Variants in NARS2 observed in about 807,000 individuals in gnomAD.
The protein encoded by NARS2 is asparaginyl-tRNA synthetase 2, mitochondrial, also known as asparaginyl-tRNA synthetase.
A neutral mutation model predicts 62.9 loss-of-function variants in NARS2; 60 were observed. The observed-to-expected ratio is 0.95, with a 90% CI of 0.77 to 1.18. The LOEUF is 1.18. NARS2 is among the 50% of genes most tolerant of loss of function. The probability of loss-of-function intolerance (pLI) is 0.00; values close to 1 mark genes in which losing one functional copy is unlikely to be tolerated. For missense variants in NARS2, 619 were observed against 576.4 expected, an observed-to-expected ratio of 1.07 and a Z score of -0.76; for synonymous variants, 196 against 200.0, an observed-to-expected ratio of 0.98 and a Z score of 0.17.
intron 6 of NARS2, among the ~76,000 whole-genome samples, chr11:78,524,353 G>A (rs1861226320): frequency 6.7e-6 from 1 of 150,174 alleles, no homozygotes; most frequent in Non-Finnish European, 1.5e-5. Flanking sequence ...TGGGTAAAAA[G>A]GTATTCCTCT....
At chr11:78,444,775 A>T (rs928783347) in intron 11 of NARS2, among the ~76,000 whole-genome samples, 1 of 151,924 alleles carries the variant, frequency 6.6e-6, no homozygotes, top group Non-Finnish European at 1.5e-5. Context: ...TGCAAGACTA[A>T]GTCTGAAAGA....
chr11:78,439,972 C>A (rs971466493), intron 13 of NARS2, among the ~76,000 whole-genome samples: 1 of 152,180 alleles, frequency 6.6e-6, no homozygotes, highest in African/African-American at 2.4e-5. Context: ...TTCTATAGTT[C>A]GTGGGGGCAT....
intron 5 of NARS2, among the ~76,000 whole-genome samples, chr11:78,546,958 T>TA (rs1338920352): frequency 6.6e-6 from 1 of 152,190 alleles, no homozygotes; most frequent in Non-Finnish European, 1.5e-5. Flanking sequence ...TAATTACCCT[T>TA]AAAAAAGGTA....
At chr11:78,461,783 CAAAAAA>C (rs56753439) in intron 11 of NARS2, among the ~76,000 whole-genome samples, 31,075 of 93,042 alleles carry the variant, frequency 0.33, 3,766 homozygotes, top group East Asian at 0.51. Context: ...GTACCCACTA[CAAAAAA>C]AAAAAAAAAA....
chr11:78,476,104 C>T (rs1175278800), intron 9 of NARS2, among the ~76,000 whole-genome samples: 1 of 152,188 alleles, frequency 6.6e-6, no homozygotes, highest in African/African-American at 2.4e-5. Context: ...GGGGTGGCTG[C>T]CCTGTAGGGG....
chr11:78,458,121 T>G (rs1178209354), intron 11 of NARS2, among the ~76,000 whole-genome samples: 1 of 152,270 alleles, frequency 6.6e-6, no homozygotes, highest in South Asian at 2.1e-4. Context: ...TGAGAGGATT[T>G]TGAATGTTCA....
intron 6 of NARS2, among the ~76,000 whole-genome samples, chr11:78,506,830 C>T (rs1186180213): frequency 6.6e-6 from 1 of 152,202 alleles, no homozygotes; most frequent in Non-Finnish European, 1.5e-5. Flanking sequence ...TCCGCCACTG[C>T]ACTTGGCCTG....
Position 78,482,772 on chromosome 11 carries a change from C to T in NARS2, c.823-4089G>A, listed in dbSNP as rs150567693. On this transcript the variant is annotated intron_variant, in intron 7 of 13. Coordinates refer to ENST00000281038, the MANE Select transcript of NARS2 (RefSeq NM_024678.6). ...TCAATAGCCTACCAACCAAAAAAGC[C>T]CAGGACCAGACAGATTCACAGCCAA... is the stretch of plus-strand genomic sequence containing the variant. Among the ~76,000 whole-genome samples the T allele has an allele frequency of 5.3e-5, 8 of 152,120 alleles. No homozygotes were observed. The East Asian group carries it at 1.5e-3, about 29-fold the overall frequency.
chr11:78,507,871 T>C (rs1860564375), intron 6 of NARS2, among the ~76,000 whole-genome samples: 2 of 69,888 alleles, frequency 2.9e-5, no homozygotes, highest in South Asian at 5.0e-4. Flanking sequence ...GATAAAAATA[T>C]GACCCAGAGG....
intron 6 of NARS2, among the ~76,000 whole-genome samples, chr11:78,497,165 A>G (rs1860092238): frequency 6.6e-6 from 1 of 151,720 alleles, no homozygotes; most frequent in Non-Finnish European, 1.5e-5. Flanking sequence ...AATGTTTAGT[A>G]TAACAAAAGT....
intron 1 of NARS2, 59 bp from the exon 2 acceptor site, chr11:78,571,503 T>A: frequency 2.6e-6 from 3 of 1,155,634 alleles, no homozygotes; most frequent in East Asian, 2.4e-5. Flanking sequence ...TCATTACACA[T>A]ACACACACAG....
chr11:78,494,075 G>A (rs765532823), intron 6 of NARS2, among the ~76,000 whole-genome samples: 1 of 152,196 alleles, frequency 6.6e-6, no homozygotes, highest in Non-Finnish European at 1.5e-5. Flanking sequence ...CTGAAATGTG[G>A]AGGTGAGAGA....
intron 5 of NARS2, among the ~76,000 whole-genome samples, chr11:78,553,957 C>T (rs562727912): frequency 3.3e-5 from 5 of 152,312 alleles, no homozygotes; most frequent in South Asian, 2.1e-4. Context: ...CGTCTGCATA[C>T]GGCTAGCCAG....
chr11:78,509,181 C>A (rs1860621582), intron 6 of NARS2, among the ~76,000 whole-genome samples: 1 of 150,482 alleles, frequency 6.6e-6, no homozygotes, highest in African/African-American at 2.4e-5. Flanking sequence ...AGACAGTGGG[C>A]AGATACATTC....
chr11:78,513,270 T>C (rs1168220905), intron 6 of NARS2, among the ~76,000 whole-genome samples: 1 of 151,940 alleles, frequency 6.6e-6, no homozygotes, highest in Non-Finnish European at 1.5e-5. Flanking sequence ...AAATGTACAA[T>C]TAAGTTATTG....
At chr11:78,531,884 G>T (rs778690512) in intron 5 of NARS2, among the ~76,000 whole-genome samples, 2 of 152,098 alleles carry the variant, frequency 1.3e-5, no homozygotes, top group Non-Finnish European at 2.9e-5. Context: ...GGGGAAAATG[G>T]GATGTAACTA....
At chr11:78,438,862 T>C (rs1857491404) in intron 13 of NARS2, among the ~76,000 whole-genome samples, 1 of 152,220 alleles carries the variant, frequency 6.6e-6, no homozygotes, top group Non-Finnish European at 1.5e-5. Context: ...AGGTCTCTTT[T>C]ACCTTTAATA....
At chr11:78,474,805 T>G (rs1180902885) in intron 9 of NARS2, among the ~76,000 whole-genome samples, 2 of 152,162 alleles carry the variant, frequency 1.3e-5, no homozygotes, top group Non-Finnish European at 2.9e-5. Context: ...AATTTTTAAT[T>G]GACAAATATT....
intron 6 of NARS2, among the ~76,000 whole-genome samples, chr11:78,506,045 T>C (rs1453531728): frequency 6.6e-6 from 1 of 151,206 alleles, no homozygotes; most frequent in Non-Finnish European, 1.5e-5. Context: ...ATGAAAAAAA[T>C]TGAAAAGATA....
Sources: allele counts gnomAD v4.1 joint callset (sites outside exome capture counted in the v4.1 genomes callset), GRCh38; gene constraint gnomAD v4.1.1; transcripts MANE v1.5; gene names NCBI Gene and HGNC (gene_info 2026-07-23, HGNC 2026-07-21).